ASCC3: variants seen among roughly 807,000 people sequenced by gnomAD.
ASCC3 encodes activating signal cointegrator 1 complex subunit 3, also known as ASC-1 complex subunit P200.
A neutral mutation model predicts 256.3 loss-of-function variants in ASCC3; 158 were observed. The observed-to-expected ratio is 0.62, with a 90% CI of 0.54 to 0.70. The LOEUF is 0.70. Among genes scored for constraint, ASCC3 ranks in the 30% least tolerant of loss-of-function variants. The pLI, the probability that ASCC3 is intolerant of heterozygous loss-of-function variation, is 0.00. For missense variants in ASCC3, 2,259 were observed against 2,626.0 expected, an observed-to-expected ratio of 0.86 and a Z score of 3.05; for synonymous variants, 948 against 883.4, an observed-to-expected ratio of 1.07 and a Z score of -1.30.
intron 39 of ASCC3, among the ~76,000 whole-genome samples, chr6:100,515,652 T>C (rs978367556): frequency 2.6e-5 from 4 of 152,166 alleles, no homozygotes; most frequent in African/African-American, 4.8e-5. Context: ...CTCACACACA[T>C]AGTTTATTTG....
rs143092982 is a variant in ASCC3 at position 100,878,636 on chromosome 6, G to A, written c.-42+2425C>T. ...CTTCCCACGAAAGTCCAGTGGAAAA[G>A]GGCCTAGCACAGATTATGTCTGAAA... On this transcript the variant is annotated intron_variant, in intron 1 of 41. Coordinates refer to ENST00000369162, the MANE Select transcript of ASCC3 (RefSeq NM_006828.4). Among the ~76,000 whole-genome samples the A allele has an allele frequency of 4.2e-3, 647 of 152,304 alleles. 8 individuals carry two copies. The highest frequency in any genetic ancestry group is 0.015 in the African/African-American group (626 of 41,550).
intron 10 of ASCC3, among the ~76,000 whole-genome samples, chr6:100,733,217 T>TA (rs1171977140): frequency 1.3e-5 from 2 of 152,192 alleles, no homozygotes; most frequent in Non-Finnish European, 2.9e-5. Context: ...CATCAAACTT[T>TA]AAGAGCGGTT....
intron 22 of ASCC3, among the ~76,000 whole-genome samples, chr6:100,644,890 T>G (rs1349191046): frequency 1.3e-5 from 2 of 152,154 alleles, no homozygotes; most frequent in Admixed American, 6.6e-5. Context: ...CTGAAAACAT[T>G]TGAGAAGTAC....
chr6:100,761,227 A>G (rs1426212038), intron 10 of ASCC3, among the ~76,000 whole-genome samples: 2 of 152,190 alleles, frequency 1.3e-5, no homozygotes, highest in African/African-American at 4.8e-5. Flanking sequence ...ATGGTAGCTG[A>G]TATCTATAAT....
chr6:100,871,665 C>T (rs1773748385), intron 1 of ASCC3, among the ~76,000 whole-genome samples: 1 of 152,088 alleles, frequency 6.6e-6, no homozygotes, highest in Non-Finnish European at 1.5e-5. Flanking sequence ...ACTCAGGAGG[C>T]TGAGGTGGGA....
intron 29 of ASCC3, among the ~76,000 whole-genome samples, chr6:100,625,822 G>A (rs535800999): frequency 6.6e-6 from 1 of 152,078 alleles, no homozygotes; most frequent in Non-Finnish European, 1.5e-5. Flanking sequence ...TTTTATTTTT[G>A]TTATCAGTGA....
chr6:100,848,134 C>T lies in ASCC3; in HGVS notation c.801+14G>A. On this transcript the variant is annotated intron_variant, in intron 4 of 41. Coordinates refer to ENST00000369162, the MANE Select transcript of ASCC3 (RefSeq NM_006828.4). Reference sequence around the variant, plus strand: ...TTCACATTAATATAAAAAAATAAATCATTTCAACTATACCTCATCCTGAAG... The same window carrying T: ...TTCACATTAATATAAAAAAATAAATTATTTCAACTATACCTCATCCTGAAG... 6.4e-7 allele frequency: 1 copy of T among 1,558,088 alleles called. No individual in the cohort carries two copies. Among genetic ancestry groups the T allele is most frequent in the Non-Finnish European group, 8.6e-7 (1 of 1,158,922 alleles).
intron 36 of ASCC3, among the ~76,000 whole-genome samples, chr6:100,565,851 T>C (rs1770214388): frequency 6.6e-6 from 1 of 152,168 alleles, no homozygotes; most frequent in African/African-American, 2.4e-5. Context: ...ACATTGACAT[T>C]TATTTTTTTA....
chr6:100,625,113 C>G, intron 30 of ASCC3, 79 bp downstream of exon 30: 1 of 1,531,744 alleles, frequency 6.5e-7, no homozygotes, highest in Non-Finnish European at 9.0e-7. Context: ...CCCTATAATA[C>G]AATTACATAT....
intron 30 of ASCC3, among the ~76,000 whole-genome samples, chr6:100,611,862 G>T (rs1773416533): frequency 8.6e-6 from 1 of 116,462 alleles, no homozygotes; most frequent in African/African-American, 2.8e-5. Flanking sequence ...AGTTGCTATA[G>T]AATTAAAAAA....
chr6:100,605,660 G>A lies in ASCC3; in HGVS notation c.5085C>T (p.Phe1695=), dbSNP rs745682031. 3.6e-5 allele frequency: 58 copies of A among 1,612,708 alleles called. 1 individual carries two copies. The South Asian group carries it at 4.1e-4, about 11-fold the overall frequency. ...GAATTACAGCTTTGCCTTGGTCATC[G>A]AACTGCGGCCTCCCAGCACGCCCCA... ...QMMGRAGRPQ[F]DDQGKAVILV... The change falls in exon 33 of 42, where the codon TTC becomes TTT. Residue 1695 remains phenylalanine, a synonymous_variant. Coordinates refer to ENST00000369162, the MANE Select transcript of ASCC3 (RefSeq NM_006828.4).
At chr6:100,601,957 G>A in intron 33 of ASCC3, 22 bp from the exon 34 acceptor site, 1 of 1,609,360 alleles carries the variant, frequency 6.2e-7, no homozygotes, top group South Asian at 1.1e-5. Flanking sequence ...ACAAGACATG[G>A]GAAGCATACA....
intron 37 of ASCC3, among the ~76,000 whole-genome samples, chr6:100,536,887 A>G (rs756999394): frequency 2.0e-5 from 3 of 152,224 alleles, no homozygotes; most frequent in Non-Finnish European, 4.4e-5. Context: ...GTAGTATTCA[A>G]GAAACACTGG....
At chr6:100,767,372 T>C in intron 8 of ASCC3, 27 bp from the exon 9 acceptor site, 2 of 1,597,100 alleles carry the variant, frequency 1.3e-6, no homozygotes, top group East Asian at 2.2e-5. Flanking sequence ...TCACCCATTA[T>C]AAATAGTAAC....
chr6:100,792,013 G>A (rs1387120496), intron 8 of ASCC3, among the ~76,000 whole-genome samples: 2 of 151,830 alleles, frequency 1.3e-5, no homozygotes, highest in East Asian at 1.9e-4. Context: ...ACAAATGGAC[G>A]AACCTGGACT....
intron 10 of ASCC3, among the ~76,000 whole-genome samples, chr6:100,759,343 G>A (rs1218466618): frequency 6.6e-6 from 1 of 152,100 alleles, no homozygotes; most frequent in African/African-American, 2.4e-5. Flanking sequence ...TAATGTCTAG[G>A]TTTTCTTCTA....
chr6:100,763,522 A>G (rs7763656), intron 10 of ASCC3, among the ~76,000 whole-genome samples: 151,799 of 152,270 alleles, frequency 1, 75,665 homozygotes, highest in Middle Eastern at 1. Flanking sequence ...CTTGGAAGGC[A>G]GGAGGTTTTG....
intron 30 of ASCC3, among the ~76,000 whole-genome samples, chr6:100,621,641 G>C (rs1036049186): frequency 7.9e-5 from 12 of 152,192 alleles, no homozygotes; most frequent in Non-Finnish European, 1.3e-4. Context: ...CTGTTGGTGA[G>C]AATGTAAATT....
At chr6:100,689,968 T>C (rs1373335612) in intron 13 of ASCC3, among the ~76,000 whole-genome samples, 1 of 152,102 alleles carries the variant, frequency 6.6e-6, no homozygotes, top group Non-Finnish European at 1.5e-5. Context: ...AAAAAAGATA[T>C]AAAAATTCTG....
Sources: allele counts gnomAD v4.1 joint callset (sites outside exome capture counted in the v4.1 genomes callset), GRCh38; gene constraint gnomAD v4.1.1; transcripts MANE v1.5; gene names NCBI Gene and HGNC (gene_info 2026-07-23, HGNC 2026-07-21).